OSBPL1A: variants seen among roughly 807,000 people sequenced by gnomAD.
OSBPL1A encodes oxysterol-binding protein-related protein 1.
OSBPL1A carries 80 observed loss-of-function variants against 137.1 expected under a neutral mutation model. The observed-to-expected ratio is 0.58, with a 90% CI of 0.49 to 0.70. OSBPL1A has a LOEUF of 0.70. Ranked by LOEUF, OSBPL1A falls within the 30% of genes least tolerant of loss-of-function variation. OSBPL1A has a pLI of 0.00. For synonymous variants in OSBPL1A, 365 were observed against 389.7 expected (o/e 0.94, Z 0.75); for missense variants, 970 against 1,129.4 (o/e 0.86, Z 2.02).
chr18:24,367,179 C>G (rs1008006782), intron 3 of OSBPL1A, among the ~76,000 whole-genome samples: 1 of 151,498 alleles, frequency 6.6e-6, no homozygotes, highest in South Asian at 2.1e-4. Context: ...GGAGAATCAT[C>G]TGAGCCCAGG....
At chr18:24,267,669 T>TA (rs996637017) in intron 15 of OSBPL1A, among the ~76,000 whole-genome samples, 4 of 152,100 alleles carry the variant, frequency 2.6e-5, no homozygotes, top group African/African-American at 9.7e-5. Flanking sequence ...TTAGCAGATT[T>TA]AAAAAAACCA....
intron 18 of OSBPL1A, among the ~76,000 whole-genome samples, chr18:24,187,855 AG>A (rs1275122174): frequency 1.3e-5 from 2 of 152,186 alleles, no homozygotes; most frequent in African/African-American, 4.8e-5. Context: ...CTGGGCCAGG[AG>A]GGATCCAAAC....
chr18:24,176,956 C>T (rs1161678371), intron 21 of OSBPL1A, among the ~76,000 whole-genome samples: 5 of 152,234 alleles, frequency 3.3e-5, no homozygotes, highest in African/African-American at 9.6e-5. Context: ...TTTCTCTCCC[C>T]TCCGGCTGGC....
intron 15 of OSBPL1A, among the ~76,000 whole-genome samples, chr18:24,267,667 T>C (rs2089611221): frequency 6.6e-6 from 1 of 152,104 alleles, no homozygotes; most frequent in Non-Finnish European, 1.5e-5. Context: ...GCTTAGCAGA[T>C]TTAAAAAAAC....
chr18:24,253,754 T>C (rs2089185311), intron 15 of OSBPL1A, among the ~76,000 whole-genome samples: 1 of 152,226 alleles, frequency 6.6e-6, no homozygotes, highest in African/African-American at 2.4e-5. Context: ...GTCTCCTTGG[T>C]GTCAGCTGAT....
In OSBPL1A at chr18:24,317,080, G is replaced by T. The variant is rs919797497; in HGVS notation, c.870+69C>A. 2.7e-6 allele frequency: 4 copies of T among 1,480,280 alleles called. No individual in the cohort carries two copies. The African/African-American group carries it at 4.2e-5, about 15-fold the overall frequency. The allele number at this position is 1,480,280 out of a possible 1,614,324, so 91.7% of individuals were successfully genotyped here. ...CAAGATTTTACAAGGCTGTATAAAT[G>T]ATTTGGGTCAATCACTTGAAGAACT... On this transcript the variant is annotated intron_variant, in intron 11 of 27. Transcript: ENST00000319481.
At chr18:24,304,855 CT>C (rs2090472061) in intron 13 of OSBPL1A, among the ~76,000 whole-genome samples, 1 of 152,126 alleles carries the variant, frequency 6.6e-6, no homozygotes, top group Non-Finnish European at 1.5e-5. Flanking sequence ...TATTACTCTC[CT>C]TTGTTTTGAG....
At chr18:24,380,707 T>C (rs914247813) in intron 1 of OSBPL1A, among the ~76,000 whole-genome samples, 1 of 152,092 alleles carries the variant, frequency 6.6e-6, no homozygotes, top group African/African-American at 2.4e-5. Context: ...ATCCCAACAC[T>C]TTGGGAGACT....
At chr18:24,302,926 G>A (rs1431381634) in intron 14 of OSBPL1A, among the ~76,000 whole-genome samples, 4 of 152,034 alleles carry the variant, frequency 2.6e-5, no homozygotes, top group Admixed American at 1.3e-4. Context: ...AGTGTTGTTC[G>A]AAGTAACAGC....
intron 17 of OSBPL1A, among the ~76,000 whole-genome samples, chr18:24,217,414 C>A (rs1489032911): frequency 6.6e-6 from 1 of 152,000 alleles, no homozygotes; most frequent in Admixed American, 6.6e-5. Context: ...CCCGCCACCA[C>A]GCCCAGCTAA....
At chr18:24,376,522 T>C (rs1187414403) in intron 2 of OSBPL1A, among the ~76,000 whole-genome samples, 1 of 152,368 alleles carries the variant, frequency 6.6e-6, no homozygotes, top group Admixed American at 6.5e-5. Flanking sequence ...CTTCACCCAG[T>C]GGATCCCGCA....
intron 7 of OSBPL1A, among the ~76,000 whole-genome samples, chr18:24,332,465 GGCTGTGATAT>G (rs539756139): frequency 2.0e-3 from 291 of 146,050 alleles, no homozygotes; most frequent in Non-Finnish European, 3.2e-3. Flanking sequence ...CAGTGGAAAA[GGCTGTGATAT>G]GCCTTATGAA....
intron 12 of OSBPL1A, among the ~76,000 whole-genome samples, chr18:24,313,016 C>T (rs180841808): frequency 3.3e-5 from 5 of 151,648 alleles, no homozygotes; most frequent in Non-Finnish European, 5.9e-5. Context: ...CCCAGCTACT[C>T]GGGAGGCTGA....
chr18:24,238,271 T>G (rs1416324735), intron 16 of OSBPL1A, among the ~76,000 whole-genome samples: 1 of 152,246 alleles, frequency 6.6e-6, no homozygotes, highest in East Asian at 1.9e-4. Context: ...ACTCAGTAAC[T>G]GTATATGCTC....
intron 16 of OSBPL1A, among the ~76,000 whole-genome samples, chr18:24,234,721 A>G (rs2088404201): frequency 6.6e-6 from 1 of 152,244 alleles, no homozygotes; most frequent in African/African-American, 2.4e-5. Flanking sequence ...TTAAAGTAAC[A>G]CGAGTTAACA....
rs547386422 is a variant in OSBPL1A, at chr18:24,179,601, T to C, written c.1910+137A>G. 4.5e-4 allele frequency: 306 copies of C among 681,836 alleles called. 4 individuals are homozygous for C. Among genetic ancestry groups the C allele is most frequent in the South Asian group, 4.2e-3 (214 of 50,622 alleles). The allele number at this position is 681,836 out of a possible 1,614,324, so 42.2% of individuals were successfully genotyped here. On this transcript the variant is annotated intron_variant, in intron 20 of 27. Transcript: ENST00000319481. ...GTATTTTTGACAGTCTCTAAAATAA[T>C]AGCTATCCTAGAAACAAACATCAAA... is the stretch of plus-strand genomic sequence containing the variant.
chr18:24,217,426 T>A (rs1002945181), intron 17 of OSBPL1A, among the ~76,000 whole-genome samples: 1 of 151,936 alleles, frequency 6.6e-6, no homozygotes, highest in Non-Finnish European at 1.5e-5. Flanking sequence ...CCCAGCTAAT[T>A]TTTGTATTTT....
chr18:24,293,423 C>G (rs1322125699), intron 14 of OSBPL1A, among the ~76,000 whole-genome samples: 1 of 152,134 alleles, frequency 6.6e-6, no homozygotes, highest in Admixed American at 6.5e-5. Flanking sequence ...GCAGGTCTCC[C>G]GACAGAGCCT....
chr18:24,275,823 G>C (rs2089833666), intron 15 of OSBPL1A, among the ~76,000 whole-genome samples: 1 of 151,906 alleles, frequency 6.6e-6, no homozygotes, highest in African/African-American at 2.4e-5. Context: ...TGCCTCCTGG[G>C]TTCAAGCGAT....
Sources: gnomAD v4.1 joint callset for allele counts (sites outside exome capture counted in the v4.1 genomes callset) on GRCh38, gnomAD v4.1.1 for gene constraint, MANE v1.5 for transcripts, NCBI Gene and HGNC (gene_info 2026-07-23, HGNC 2026-07-21) for gene names.